Variants in NEK11 observed in about 807,000 individuals in gnomAD.
The protein encoded by NEK11 is NIMA related kinase 11.
A neutral mutation model predicts 80.7 loss-of-function variants in NEK11; 72 were observed. The ratio of observed to expected loss-of-function variants is 0.89; its 90% CI spans 0.74 to 1.08. The LOEUF is 1.08. Ranked by LOEUF, NEK11 falls within the 50% of genes least tolerant of loss-of-function variation. NEK11 has a pLI of 0.00. For synonymous variants in NEK11, 251 were observed against 260.7 expected, an observed-to-expected ratio of 0.96 and a Z score of 0.36; for missense variants, 764 against 763.6, an observed-to-expected ratio of 1.00 and a Z score of -0.01.
intron 12 of NEK11, among the ~76,000 whole-genome samples, chr3:131,166,522 G>A (rs1325139795): frequency 6.6e-6 from 1 of 152,180 alleles, no homozygotes; most frequent in Non-Finnish European, 1.5e-5. Context: ...AATCCCAAGT[G>A]GGGACCAATA....
At chr3:131,036,660 G>T (rs1370703749) in intron 3 of NEK11, among the ~76,000 whole-genome samples, 1 of 152,206 alleles carries the variant, frequency 6.6e-6, no homozygotes, top group Admixed American at 6.5e-5. Context: ...GAAGTAGCCA[G>T]TGGTTTTCAC....
At chr3:131,279,223 G>A (rs763928507) in intron 17 of NEK11, among the ~76,000 whole-genome samples, 9 of 151,838 alleles carry the variant, frequency 5.9e-5, no homozygotes, top group South Asian at 2.1e-4. Flanking sequence ...GGTGGCACAC[G>A]TCTGTAATCC....
intron 3 of NEK11, among the ~76,000 whole-genome samples, chr3:131,050,859 T>C (rs1265099255): frequency 1.0e-5 from 1 of 99,696 alleles, no homozygotes; most frequent in Non-Finnish European, 2.1e-5. Context: ...GGAGACTCTG[T>C]CTTTACAAAT....
At chr3:131,162,582 AG>A in intron 11 of NEK11, 55 bp downstream of exon 11, 1 of 1,597,288 alleles carries the variant, frequency 6.3e-7, no homozygotes, top group African/African-American at 1.4e-5. Flanking sequence ...CAGGGCTCTC[AG>A]GGAATTTACA....
At chr3:131,174,861 C>T (rs913879008) in intron 14 of NEK11, 1 of 1,562,498 alleles carries the variant, frequency 6.4e-7, no homozygotes, top group Admixed American at 2.0e-5. Flanking sequence ...GACTCCCTAC[C>T]CCACCATTCA....
At chr3:131,100,304 A>T (rs1316697529) in intron 4 of NEK11, among the ~76,000 whole-genome samples, 1 of 152,218 alleles carries the variant, frequency 6.6e-6, no homozygotes, top group Admixed American at 6.5e-5. Context: ...CCCAAAAATA[A>T]GGCCTACTTG....
At chr3:131,345,154 A>G (rs553807854) in intron 17 of NEK11, among the ~76,000 whole-genome samples, 2 of 151,810 alleles carry the variant, frequency 1.3e-5, no homozygotes, top group Admixed American at 6.6e-5. Context: ...TTTATTCCCT[A>G]TTTATTTTTA....
chr3:131,049,923 A>G (rs2068071034), intron 3 of NEK11, among the ~76,000 whole-genome samples: 1 of 152,026 alleles, frequency 6.6e-6, no homozygotes, highest in Admixed American at 6.6e-5. Context: ...CGTCAAGGAA[A>G]TTTTGTTTAG....
chr3:131,292,515 C>CT (rs60196110), intron 17 of NEK11, among the ~76,000 whole-genome samples: 4,773 of 136,232 alleles, frequency 0.035, 117 homozygotes, highest in South Asian at 0.068. Flanking sequence ...GAACTAACAT[C>CT]TTTTTTTTTT....
intron 17 of NEK11, among the ~76,000 whole-genome samples, chr3:131,324,377 A>AG (rs1232596723): frequency 6.6e-6 from 1 of 152,248 alleles, no homozygotes; most frequent in Non-Finnish European, 1.5e-5. Flanking sequence ...GAAGCTGAAT[A>AG]GTTTCCCAGT....
At chr3:131,262,014 G>T (rs944140555) in intron 16 of NEK11, among the ~76,000 whole-genome samples, 1 of 151,976 alleles carries the variant, frequency 6.6e-6, no homozygotes, top group Non-Finnish European at 1.5e-5. Context: ...AAAAAAATAG[G>T]TTCTTTGTAA....
At chr3:131,226,193 C>T (rs2095189424) in intron 14 of NEK11, among the ~76,000 whole-genome samples, 1 of 152,148 alleles carries the variant, frequency 6.6e-6, no homozygotes, top group South Asian at 2.1e-4. Flanking sequence ...TCATATGGTT[C>T]TGTCTTTCAT....
chr3:131,036,086 TC>T (rs2065597525), intron 3 of NEK11, among the ~76,000 whole-genome samples: 1 of 152,202 alleles, frequency 6.6e-6, no homozygotes, highest in African/African-American at 2.4e-5. Context: ...TGACAAATAT[TC>T]AGTCTTTTAA....
intron 15 of NEK11, among the ~76,000 whole-genome samples, chr3:131,242,532 A>G (rs1003788813): frequency 6.6e-6 from 1 of 152,122 alleles, no homozygotes; most frequent in Non-Finnish European, 1.5e-5. Flanking sequence ...ACTGGCCATA[A>G]TATGCTCCTG....
chr3:131,042,687 C>T (rs1044984662), intron 3 of NEK11, among the ~76,000 whole-genome samples: 1 of 152,220 alleles, frequency 6.6e-6, no homozygotes, highest in African/African-American at 2.4e-5. Flanking sequence ...GGTACAGCTT[C>T]AGCAGACTTA....
intron 14 of NEK11, among the ~76,000 whole-genome samples, chr3:131,207,620 A>G (rs536080968): frequency 1.3e-5 from 2 of 151,966 alleles, no homozygotes; most frequent in African/African-American, 4.8e-5. Flanking sequence ...CATCCTCTCC[A>G]GTACCTGTTG....
At chr3:131,299,580 A>T (rs1452181057) in intron 17 of NEK11, among the ~76,000 whole-genome samples, 1 of 152,126 alleles carries the variant, frequency 6.6e-6, no homozygotes, top group Non-Finnish European at 1.5e-5. Context: ...CTTTGTGTTC[A>T]TGTATACTCA....
At chr3:131,081,762 C>T (rs917014692) in intron 4 of NEK11, among the ~76,000 whole-genome samples, 3 of 152,024 alleles carry the variant, frequency 2.0e-5, no homozygotes, top group African/African-American at 2.4e-5. Flanking sequence ...TTAGAGTAGA[C>T]GGCAGTTCTG....
intron 17 of NEK11, among the ~76,000 whole-genome samples, chr3:131,324,351 T>A (rs2096932711): frequency 6.6e-6 from 1 of 152,198 alleles, no homozygotes; most frequent in Admixed American, 6.5e-5. Flanking sequence ...GATTTTAAAA[T>A]TCACTCTTAA....
Sources: allele counts gnomAD v4.1 joint callset (sites outside exome capture counted in the v4.1 genomes callset), GRCh38; gene constraint gnomAD v4.1.1; transcripts MANE v1.5; gene names NCBI Gene and HGNC (gene_info 2026-07-23, HGNC 2026-07-21).